ANO5: variants seen among roughly 807,000 people sequenced by gnomAD.
ANO5 encodes the protein anoctamin-5.
In ANO5, 109 loss-of-function variants were observed where a neutral mutation model predicts 121.0. The observed-to-expected ratio is 0.90, with a 90% CI of 0.77 to 1.06. The LOEUF (loss-of-function observed/expected upper bound fraction) is 1.06. Among genes scored for constraint, ANO5 ranks in the 50% least tolerant of loss-of-function variants. The pLI is 0.00. For synonymous variants in ANO5, 406 were observed against 359.9 expected, an observed-to-expected ratio of 1.13 and a Z score of -1.45; for missense variants, 1,064 against 1,078.5, an observed-to-expected ratio of 0.99 and a Z score of 0.19.
chr11:22,215,326 C>T (rs1390488611), intron 3 of ANO5, among the ~76,000 whole-genome samples: 1 of 151,864 alleles, frequency 6.6e-6, no homozygotes, highest in Non-Finnish European at 1.5e-5. Flanking sequence ...GTCATATTAG[C>T]ACAGTATTTA....
At chr11:22,237,146 T>C (rs74825615) in intron 8 of ANO5, among the ~76,000 whole-genome samples, 4,242 of 152,306 alleles carry the variant, frequency 0.028, 188 homozygotes, top group African/African-American at 0.096. Context: ...TTTCTTTTGT[T>C]ACAGTTTTAC....
intron 1 of ANO5, among the ~76,000 whole-genome samples, chr11:22,199,729 C>T (rs947199728): frequency 4.6e-5 from 7 of 151,994 alleles, no homozygotes; most frequent in African/African-American, 1.7e-4. Flanking sequence ...ATCTGCATTA[C>T]ATTCACTCTG....
chr11:22,265,326 G>A (rs7951776), intron 17 of ANO5, among the ~76,000 whole-genome samples: 125,318 of 152,074 alleles, frequency 0.82, 52,141 homozygotes, highest in African/African-American at 0.92. Context: ...AGTGAAAATA[G>A]TGTTCCCCTT....
intron 1 of ANO5, among the ~76,000 whole-genome samples, chr11:22,201,948 G>T (rs150454799): frequency 6.6e-6 from 1 of 152,152 alleles, no homozygotes; most frequent in Non-Finnish European, 1.5e-5. Context: ...GTGTGTTAAG[G>T]CCCCTCAAAG....
chr11:22,255,554 A>G (rs771100556), intron 13 of ANO5, 32 bp downstream of exon 13: 2 of 1,609,278 alleles, frequency 1.2e-6, no homozygotes, highest in Admixed American at 1.7e-5. Context: ...CGGACAGCAT[A>G]TCTCAATGGA....
chr11:22,227,205 GTT>G, intron 6 of ANO5, 95 bp from the exon 7 acceptor site: 1 of 1,505,468 alleles, frequency 6.6e-7, no homozygotes, highest in Non-Finnish European at 9.1e-7. Context: ...GCTTTGATGT[GTT>G]TGAGATTTTA....
chr11:22,247,789 GA>G (rs1405541967), intron 9 of ANO5, among the ~76,000 whole-genome samples: 21 of 152,060 alleles, frequency 1.4e-4, no homozygotes, highest in Non-Finnish European at 2.5e-4. Context: ...CTAAGATTGA[GA>G]AAAATGGGCT....
chr11:22,280,207 A>G lies in ANO5; in HGVS notation c.*442A>G, dbSNP rs1855031232. On this transcript the variant is annotated 3_prime_UTR_variant, in exon 22 of 22. Coordinates refer to ENST00000324559, the MANE Select transcript of ANO5 (RefSeq NM_213599.3). ...AAAAAGAAATGGATCAAAGAGACTGACTGAGCCCTATATATCCTATCATTT... is the reference window on the plus strand; with the variant it reads ...AAAAAGAAATGGATCAAAGAGACTGGCTGAGCCCTATATATCCTATCATTT... The G allele has an allele frequency of 5.5e-6, 1 of 180,352 alleles. No homozygotes were observed. Among genetic ancestry groups the G allele is most frequent in the African/African-American group, 2.4e-5 (1 of 41,626 alleles). 11.2% of individuals were successfully genotyped at this position (180,352 alleles called of 1,614,324 possible).
Position 22,250,973 on chromosome 11 carries a change from A to G in ANO5, c.1142A>G (p.Glu381Gly), listed in dbSNP as rs886042416. 1 of 1,612,578 alleles carries G rather than the reference A, an allele frequency of 6.2e-7. No individual in the cohort carries two copies. The highest frequency in any genetic ancestry group is 1.3e-5 in the African/African-American group (1 of 75,042). The change falls in exon 12 of 22, where the codon GAG (glutamate) becomes GGG (glycine). Residue 381 changes from glutamate (E) to glycine (G), a missense_variant. By Grantham distance (98) the Glu-to-Gly change is moderately conservative. Coordinates refer to ENST00000324559, the MANE Select transcript of ANO5 (RefSeq NM_213599.3). ...ASKFSHLFDN[E>G]STVFFAIFMG... ...CAGTTCTCCCATTTGTTTGATAATG[A>G]GTCAACAGTGTTCTTTGCAATATTC... is the stretch of plus-strand genomic sequence containing the variant.
At chr11:22,260,006 TCTCCCTTGATGGGTCTAGTTGAATC>T (rs1854142087) in intron 15 of ANO5, among the ~76,000 whole-genome samples, 1 of 151,980 alleles carries the variant, frequency 6.6e-6, no homozygotes, top group African/African-American at 2.4e-5. Context: ...TTGTCTTAAT[TCTCCCTTGATGGGTCTAGTTGAATC>T]CTAAGAAAAA....
Position 22,276,218 on chromosome 11 carries a change from T to G in ANO5, c.2520+19T>G. 6.4e-7 allele frequency: 1 copy of G among 1,559,960 alleles called. No homozygotes were observed. ...TATGGAAGTAAGCTGTTCTTAACTT[T>G]CATTCGAGTTACTCTCTTCTCTCTT... On this transcript the variant is annotated intron_variant, in intron 21 of 21. Transcript: ENST00000324559.
At chr11:22,203,592 T>G (rs577911289) in intron 1 of ANO5, among the ~76,000 whole-genome samples, 2 of 152,302 alleles carry the variant, frequency 1.3e-5, no homozygotes, top group South Asian at 4.1e-4. Flanking sequence ...CAGTATTTTA[T>G]GCTTTTCCTG....
chr11:22,236,012 C>G (rs1853203698), intron 7 of ANO5, 151 bp from the exon 8 acceptor site: 3 of 643,072 alleles, frequency 4.7e-6, no homozygotes, highest in South Asian at 1.7e-5. Context: ...ATCCCTCACT[C>G]TACATCTTCC....
At chr11:22,276,607 T>G (rs1391391281) in intron 21 of ANO5, among the ~76,000 whole-genome samples, 1 of 151,758 alleles carries the variant, frequency 6.6e-6, no homozygotes, top group Non-Finnish European at 1.5e-5. Context: ...GTAGCTGGCT[T>G]AACGTTAACT....
chr11:22,214,811 G>A (rs188816142), intron 3 of ANO5, among the ~76,000 whole-genome samples: 106 of 152,064 alleles, frequency 7.0e-4, no homozygotes, highest in African/African-American at 2.3e-3. Context: ...ATAATCCAAC[G>A]TAATATCACT....
chr11:22,249,578 T>C (rs1853730841), intron 9 of ANO5, among the ~76,000 whole-genome samples: 1 of 152,054 alleles, frequency 6.6e-6, no homozygotes, highest in African/African-American at 2.4e-5. Context: ...ACAAAACACT[T>C]GGTTGTGAGA....
chr11:22,193,321 G>GGACGAGGAGAAGGAGGAGGGGAAT lies in ANO5; in HGVS notation c.-170_-169insCGAGGAGAAGGAGGAGGGGAATGA. 3.1e-6 allele frequency: 1 copy of GGACGAGGAGAAGGAGGAGGGGAAT among 320,380 alleles called. No individual in the cohort carries two copies. The highest frequency in any genetic ancestry group is 4.3e-6 in the Non-Finnish European group (1 of 235,206). The allele number at this position is 320,380 out of a possible 1,614,324, so 19.8% of individuals were successfully genotyped here. ...GGCGCCCAGAGACGGTGGAGTCCGAGGAGGAGGAGAAGGAGGCCTGCAGAA... is the reference window on the plus strand; with the variant it reads ...GGCGCCCAGAGACGGTGGAGTCCGAGGACGAGGAGAAGGAGGAGGGGAATGAGGAGGAGAAGGAGGCCTGCAGAA... On this transcript the variant is annotated 5_prime_UTR_variant, in exon 1 of 22. In the 5' UTR this introduces an upstream ATG that the reference lacks. Transcript: ENST00000324559.
At chr11:22,279,310 A>G (rs1274853379) in intron 21 of ANO5, among the ~76,000 whole-genome samples, 1 of 151,910 alleles carries the variant, frequency 6.6e-6, no homozygotes, top group Admixed American at 6.6e-5. Context: ...TAAAGAGTAT[A>G]TTCAATAATC....
chr11:22,251,054 ATG>A, intron 12 of ANO5, 43 bp downstream of exon 12: 1 of 1,556,274 alleles, frequency 6.4e-7, no homozygotes, highest in East Asian at 2.3e-5. Context: ...CTTCCTATTA[ATG>A]TGTTGTTTTG....
Sources: gnomAD v4.1 joint callset for allele counts (sites outside exome capture counted in the v4.1 genomes callset) on GRCh38, gnomAD v4.1.1 for gene constraint, MANE v1.5 for transcripts, NCBI Gene and HGNC (gene_info 2026-07-23, HGNC 2026-07-21) for gene names.